SORBS2: variants seen among roughly 807,000 people sequenced by gnomAD.
The protein encoded by SORBS2 is sorbin and SH3 domain containing 2.
A neutral mutation model predicts 97.7 loss-of-function variants in SORBS2; 46 were observed. The ratio of observed to expected loss-of-function variants is 0.47; its 90% CI spans 0.37 to 0.60. The LOEUF is 0.60. Ranked by LOEUF, SORBS2 falls within the 20% of genes least tolerant of loss-of-function variation. The pLI is 0.00. For synonymous variants in SORBS2, 476 were observed against 473.4 expected, an observed-to-expected ratio of 1.01 and a Z score of -0.07; for missense variants, 1,316 against 1,282.3, an observed-to-expected ratio of 1.03 and a Z score of -0.40.
At chr4:185,936,655 C>G (rs1329255176) in intron 1 of SORBS2, among the ~76,000 whole-genome samples, 1 of 152,206 alleles carries the variant, frequency 6.6e-6, no homozygotes, top group African/African-American at 2.4e-5. Context: ...TCCCATATTT[C>G]TGATCATTCC....
At chr4:185,752,133 A>G (rs2098804186) in intron 2 of SORBS2, among the ~76,000 whole-genome samples, 1 of 152,232 alleles carries the variant, frequency 6.6e-6, no homozygotes, top group African/African-American at 2.4e-5. Context: ...ACAGAAAAGT[A>G]TCTTAAAAAT....
At chr4:185,619,644 C>A (rs1284725246) in intron 8 of SORBS2, among the ~76,000 whole-genome samples, 1 of 152,166 alleles carries the variant, frequency 6.6e-6, no homozygotes, top group Non-Finnish European at 1.5e-5. Context: ...TAAAAGGAAG[C>A]CAGCAAAAAT....
intron 1 of SORBS2, among the ~76,000 whole-genome samples, chr4:185,922,418 C>G (rs1240438874): frequency 6.6e-6 from 1 of 152,212 alleles, no homozygotes; most frequent in African/African-American, 2.4e-5. Context: ...CTCCCCATCC[C>G]TGATCCTTCA....
intron 4 of SORBS2, chr4:185,638,934 C>G (rs954237870): frequency 6.6e-7 from 1 of 1,503,964 alleles, no homozygotes; most frequent in Non-Finnish European, 8.9e-7. Flanking sequence ...CACTCCGGGG[C>G]GGAGGGGAGG....
At chr4:185,631,706 G>T (rs868436148) in intron 4 of SORBS2, among the ~76,000 whole-genome samples, 3 of 152,106 alleles carry the variant, frequency 2.0e-5, no homozygotes, top group African/African-American at 4.8e-5. Context: ...AGGTTGCAGC[G>T]AGTCGAGATG....
chr4:185,758,519 T>G (rs1413531771), intron 2 of SORBS2, among the ~76,000 whole-genome samples: 1 of 152,172 alleles, frequency 6.6e-6, no homozygotes, highest in African/African-American at 2.4e-5. Context: ...CTGCACTCAC[T>G]GCCTCATTCA....
intron 1 of SORBS2, among the ~76,000 whole-genome samples, chr4:185,840,735 T>A (rs1276461569): frequency 1.3e-5 from 2 of 152,230 alleles, no homozygotes; most frequent in Non-Finnish European, 1.5e-5. Context: ...CATGTATTTA[T>A]TCATTCATTC....
At chr4:185,646,646 C>G in intron 4 of SORBS2, 22 bp downstream of exon 13, 1 of 1,479,262 alleles carries the variant, frequency 6.8e-7, no homozygotes, top group East Asian at 2.3e-5. Context: ...CTGGCATATT[C>G]TGTTTAATGA....
intron 1 of SORBS2, chr4:185,918,359 T>C (rs2099259334): frequency 6.6e-6 from 1 of 152,186 alleles, no homozygotes; most frequent in Non-Finnish European, 1.5e-5. Flanking sequence ...TATGAGAAAA[T>C]ACTTTGGTTT....
exon 15 of SORBS2, chr4:185,585,679 A>G (rs911154973): frequency 6.6e-6 from 1 of 152,248 alleles, no homozygotes; most frequent in Non-Finnish European, 1.5e-5. Context: ...TTTCTTAAAT[A>G]TGACAGGCAA....
At chr4:185,780,007 A>AT (rs538693770) in intron 1 of SORBS2, among the ~76,000 whole-genome samples, 7,127 of 97,966 alleles carry the variant, frequency 0.073, 737 homozygotes, top group African/African-American at 0.21. Flanking sequence ...GTAGAGTAAC[A>AT]TTTTTTTTTT....
chr4:185,779,279 C>T (rs2099015785), intron 1 of SORBS2, among the ~76,000 whole-genome samples: 1 of 152,136 alleles, frequency 6.6e-6, no homozygotes, highest in Admixed American at 6.6e-5. Flanking sequence ...TACTTAGCCT[C>T]CCCATACCTC....
At chr4:185,638,355 A>G (rs2097059922) in intron 4 of SORBS2, among the ~76,000 whole-genome samples, 193 bp from the exon 15 acceptor site, 1 of 152,162 alleles carries the variant, frequency 6.6e-6, no homozygotes, top group South Asian at 2.1e-4. Flanking sequence ...GGCGAGCTCC[A>G]TGGCAGGGGG....
rs776354871 is a variant in SORBS2, at chr4:185,607,329, G to A, written c.2796+4451C>T. On this transcript the variant is annotated intron_variant, in intron 12 of 14. Transcript: ENST00000418609. The surrounding 1 kb of genome is among the most constrained non-coding windows in gnomAD (Gnocchi z 5.2). Reference sequence around the variant, plus strand: ...GTGAGACTTTGTGGGTGGGAGGAGGGGCTGGTTCACTGGAAGCCAACTTGG... The same window carrying A: ...GTGAGACTTTGTGGGTGGGAGGAGGAGCTGGTTCACTGGAAGCCAACTTGG... The A allele has an allele frequency of 1.5e-5, 19 of 1,286,830 alleles. No homozygotes were observed. The highest frequency in any genetic ancestry group is 1.9e-5 in the Non-Finnish European group (19 of 987,458). 79.7% of individuals were successfully genotyped at this position (1,286,830 alleles called of 1,614,324 possible). A position where few individuals can be genotyped will look rare whatever the true frequency, so the allele number is the denominator to read the frequency against.
intron 1 of SORBS2, among the ~76,000 whole-genome samples, chr4:185,859,193 A>T (rs1239086074): frequency 6.6e-6 from 1 of 152,188 alleles, no homozygotes; most frequent in African/African-American, 2.4e-5. Flanking sequence ...CCATAACGGG[A>T]CTTATTTCAG....
At chr4:185,804,389 G>A (rs550857476) in intron 1 of SORBS2, among the ~76,000 whole-genome samples, 1 of 152,298 alleles carries the variant, frequency 6.6e-6, no homozygotes, top group South Asian at 2.1e-4. Flanking sequence ...CTGCTCTCTC[G>A]TGGAGGTCAC....
rs571633213 is a variant in SORBS2 at position 185,680,440 on chromosome 4, G to A, written c.-197-1618C>T. Among the ~76,000 whole-genome samples, 7 of 152,310 alleles carry A rather than the reference G, an allele frequency of 4.6e-5. No individual in the cohort carries two copies. The East Asian group carries it at 1.2e-3, about 25-fold the overall frequency. ...GAATGCTGCTTTAGGGCACTCAGGA[G>A]AGAGATTTAATAACCATGAGGCTGC... On this transcript the variant is annotated intron_variant, in intron 2 of 20. Coordinates refer to the SORBS2 transcript ENST00000284776.
rs540218313 is a variant in SORBS2, at chr4:185,855,038, T to C, written c.-337-79672A>G. On this transcript the variant is annotated intron_variant, in intron 1 of 20. Transcript: ENST00000284776. ...TATTTATATACACACTTAAATGACA[T>C]AATAATAAAGACCAGTCTAATGGTT... Among the ~76,000 whole-genome samples the C allele has an allele frequency of 9.9e-5, 15 of 152,270 alleles. 1 individual carries two copies. In the South Asian group the frequency reaches 3.1e-3, roughly 32 times the overall value.
chr4:185,744,918 A>T (rs1420034714), intron 2 of SORBS2, among the ~76,000 whole-genome samples: 4 of 152,200 alleles, frequency 2.6e-5, no homozygotes, highest in African/African-American at 7.2e-5. Flanking sequence ...CTTCTTTTGG[A>T]TTGGGGGCTC....
Sources: allele counts gnomAD v4.1 joint callset (sites outside exome capture counted in the v4.1 genomes callset), GRCh38; gene constraint gnomAD v4.1.1; non-coding constraint Gnocchi (gnomAD v3.1); transcripts MANE v1.5; gene names NCBI Gene and HGNC (gene_info 2026-07-23, HGNC 2026-07-21).